Variants in SCRN1 observed in about 807,000 individuals in gnomAD.
SCRN1 encodes secernin 1.
Under a neutral mutation model 43.3 loss-of-function variants are expected in SCRN1, and 19 were observed. That is an observed-to-expected ratio of 0.44 (90% CI 0.31 to 0.64). SCRN1 has a LOEUF of 0.64. Ranked by LOEUF, SCRN1 falls within the 30% of genes least tolerant of loss-of-function variation. SCRN1 has a pLI of 0.09. For missense variants in SCRN1, 447 were observed against 524.1 expected (o/e 0.85, Z 1.44); for synonymous variants, 183 against 188.9 (o/e 0.97, Z 0.26).
chr7:29,939,887 G>A (rs1402028136), intron 5 of SCRN1, among the ~76,000 whole-genome samples: 1 of 151,936 alleles, frequency 6.6e-6, no homozygotes, highest in African/African-American at 2.4e-5. Context: ...CGGTGGCTTA[G>A]GCCTGTAATC....
In SCRN1 at chr7:29,950,791, A is replaced by G. The variant is rs930260572; in HGVS notation, c.341+4388T>C. On this transcript the variant is annotated intron_variant, in intron 3 of 7. Transcript: ENST00000242059. This position sits in a 1 kb window ranked among gnomAD's most constrained non-coding sequence, Gnocchi z 4.5. ...CACTACAGGTCTCCTCTCTGCTGAG[A>G]GCTGGATACTCGTCAGGATGACCTG... is the stretch of plus-strand genomic sequence containing the variant. 2.0e-5 allele frequency among the ~76,000 whole-genome samples: 3 copies of G among 152,070 alleles called. No individual in the cohort carries two copies. The highest frequency in any genetic ancestry group is 7.2e-5 in the African/African-American group (3 of 41,416).
In SCRN1 at chr7:29,924,097, T is replaced by G; in HGVS notation, c.1105A>C (p.Arg369=). The change falls in exon 8 of 8, where the codon AGG becomes CGG. Residue 369 remains arginine, a synonymous_variant. Coordinates refer to ENST00000242059, the MANE Select transcript of SCRN1 (RefSeq NM_014766.5). ...ESDQEQGRKL[R]STMLELEKQG... ...TTCTCCAGCTCCAGCATGGTGCTCC[T>G]CAGCTTGCGACCTTGCTCCTGAGGA... 2 of 1,612,780 alleles carry G rather than the reference T, an allele frequency of 1.2e-6. No homozygotes were observed. Among genetic ancestry groups the G allele is most frequent in the Non-Finnish European group, 1.7e-6 (2 of 1,179,634 alleles).
chr7:29,920,904 C>T lies in SCRN1; in HGVS notation c.*3053G>A, dbSNP rs561762062. 7.2e-5 allele frequency: 11 copies of T among 152,342 alleles called. No individual in the cohort carries two copies. The South Asian group carries it at 1.2e-3, about 17-fold the overall frequency. The allele number at this position is 152,342 out of a possible 1,614,324, so 9.4% of individuals were successfully genotyped here. On this transcript the variant is annotated 3_prime_UTR_variant, in exon 8 of 8. Transcript: ENST00000242059. ...TAAGAAAGACTCGTTCTAATAACAC[C>T]AGGTCTTATATTATTGAGCACTAAG...
At chr7:29,929,907 C>T (rs1787102639) in intron 6 of SCRN1, among the ~76,000 whole-genome samples, 1 of 152,278 alleles carries the variant, frequency 6.6e-6, no homozygotes, top group East Asian at 1.9e-4. Flanking sequence ...TTAAACCCAC[C>T]CTAAGCTCAC....
chr7:29,925,685 C>T (rs1786924519), intron 7 of SCRN1, among the ~76,000 whole-genome samples: 1 of 151,940 alleles, frequency 6.6e-6, no homozygotes, highest in Non-Finnish European at 1.5e-5. Flanking sequence ...GAGAGCTGCA[C>T]TTTGAAGGAT....
At position 29,927,930 on chromosome 7, in the gene SCRN1, G is replaced by A. The variant is rs531114817; in HGVS notation, c.906-1298C>T. On this transcript the variant is annotated intron_variant, in intron 6 of 7. Coordinates refer to ENST00000242059, the MANE Select transcript of SCRN1 (RefSeq NM_014766.5). ...GAGGTCAGGAGTTCGAGCCCAGCCT[G>A]GCCAACATGGTAAAACCCCGTTTCT... Among the ~76,000 whole-genome samples the A allele has an allele frequency of 2.0e-5, 3 of 152,192 alleles. No homozygotes were observed. In the South Asian group the frequency reaches 6.2e-4, roughly 32 times the overall value.
intron 6 of SCRN1, among the ~76,000 whole-genome samples, chr7:29,933,688 C>T (rs1385803021): frequency 1.3e-5 from 2 of 152,168 alleles, no homozygotes; most frequent in African/African-American, 4.8e-5. Context: ...TCTCCTTCCA[C>T]TTCTCAACCT....
intron 1 of SCRN1, among the ~76,000 whole-genome samples, chr7:29,987,478 C>G: frequency 6.6e-6 from 1 of 152,180 alleles, no homozygotes; most frequent in East Asian, 1.9e-4. Flanking sequence ...ACAAGCAACT[C>G]AATTTTTAAT....
upstream of SCRN1, chr7:29,989,809 T>G: frequency 2.0e-6 from 2 of 989,664 alleles, no homozygotes; most frequent in Non-Finnish European, 2.4e-6. Context: ...CTCCCGGCGC[T>G]GGGGCCCGCC....
intron 5 of SCRN1, 29 bp downstream of exon 5, chr7:29,940,647 TGAGAAG>T: frequency 6.5e-7 from 1 of 1,548,120 alleles, no homozygotes; most frequent in Non-Finnish European, 8.7e-7. Context: ...AGAAAGGGTA[TGAGAAG>T]GAGAATCGTG....
chr7:29,973,806 A>G (rs1788732143), intron 1 of SCRN1, among the ~76,000 whole-genome samples: 1 of 152,248 alleles, frequency 6.6e-6, no homozygotes, highest in Non-Finnish European at 1.5e-5. Context: ...AATCAGGAAT[A>G]TGGGCAAGGG....
intron 6 of SCRN1, among the ~76,000 whole-genome samples, chr7:29,935,847 C>T (rs1279795438): frequency 3.3e-5 from 5 of 152,174 alleles, no homozygotes; most frequent in African/African-American, 4.8e-5. Context: ...ATCCTCCCAA[C>T]AAGCATGTAA....
In SCRN1 at chr7:29,955,844, C is replaced by T. The variant is rs535289917; in HGVS notation, c.160-484G>A. 1.1e-4 allele frequency among the ~76,000 whole-genome samples: 17 copies of T among 152,348 alleles called. No individual in the cohort carries two copies. The East Asian group carries it at 2.3e-3, about 21-fold the overall frequency. On this transcript the variant is annotated intron_variant, in intron 2 of 7. Transcript: ENST00000242059. ...GGTTTCCTGAAACACAGTTTGATAA[C>T]CTACATGGTTGCTCTAGTGGTAGAA...
At chr7:29,944,663 A>C (rs1446764207) in intron 3 of SCRN1, among the ~76,000 whole-genome samples, 5 of 73,398 alleles carry the variant, frequency 6.8e-5, no homozygotes, top group Non-Finnish European at 3.0e-5. Flanking sequence ...ACCCTGTCTC[A>C]AAAAAAAAAA....
chr7:29,942,574 G>T (rs565256504), intron 4 of SCRN1, among the ~76,000 whole-genome samples: 1 of 152,294 alleles, frequency 6.6e-6, no homozygotes, highest in East Asian at 1.9e-4. Context: ...CTTAGGAGGG[G>T]TTTTTATCAA....
Position 29,953,216 on chromosome 7 carries a change from C to G in SCRN1, c.341+1963G>C, listed in dbSNP as rs1037756268. On this transcript the variant is annotated intron_variant, in intron 3 of 7. Transcript: ENST00000242059. ...TCAGATCACTTTGAGTTACCTCTCT[C>G]CTACTATCTTCTTATATTATTCTTA... 8.5e-5 allele frequency among the ~76,000 whole-genome samples: 13 copies of G among 152,238 alleles called. 1 individual carries two copies. Among genetic ancestry groups the G allele is most frequent in the South Asian group, 4.1e-4 (2 of 4,832 alleles).
chr7:29,986,549 C>T (rs144537063), intron 1 of SCRN1, among the ~76,000 whole-genome samples: 1 of 151,860 alleles, frequency 6.6e-6, no homozygotes, highest in African/African-American at 2.4e-5. Context: ...GATCTAGACT[C>T]TAATGAAAAC....
intron 7 of SCRN1, 54 bp from the exon 8 acceptor site, chr7:29,924,169 AGCGG>A (rs770300633): frequency 5.7e-5 from 89 of 1,556,138 alleles, no homozygotes; most frequent in Non-Finnish European, 7.4e-5. Context: ...GGGACATTGC[AGCGG>A]ACACTGAAAC....
chr7:29,981,969 G>A (rs989678807), intron 1 of SCRN1, among the ~76,000 whole-genome samples: 3 of 152,176 alleles, frequency 2.0e-5, no homozygotes, highest in African/African-American at 7.2e-5. Flanking sequence ...GAAAGGACAC[G>A]CCTGTCACTA....
Sources: gnomAD v4.1 joint callset for allele counts (sites outside exome capture counted in the v4.1 genomes callset) on GRCh38, gnomAD v4.1.1 for gene constraint, Gnocchi (gnomAD v3.1) non-coding constraint, MANE v1.5 for transcripts, NCBI Gene and HGNC (gene_info 2026-07-23, HGNC 2026-07-21) for gene names.